The following CSTPP1 variants were observed in gnomAD, a reference collection of about 807,000 sequenced individuals.
CSTPP1 encodes the protein centriolar satellite-associated tubulin polyglutamylase complex regulator 1.
At chr11:47,049,526 T>G in the CSTPP1 span, among the ~76,000 whole-genome samples, 2 of 151,660 alleles carry the variant, frequency 1.3e-5, no homozygotes, top group African/African-American at 2.4e-5. Flanking sequence ...TGGTCCCAGC[T>G]AATTGGGAGG....
chr11:47,097,177 C>T, the CSTPP1 span, among the ~76,000 whole-genome samples: 5 of 126,818 alleles, frequency 3.9e-5, no homozygotes, highest in African/African-American at 1.3e-4. Context: ...CCCGGCCAGC[C>T]GCCCCGTCTG....
At chr11:47,034,735 G>A in the CSTPP1 span, among the ~76,000 whole-genome samples, 1 of 152,084 alleles carries the variant, frequency 6.6e-6, no homozygotes. Flanking sequence ...CTGGGCTCAA[G>A]CAATCCTCCC....
chr11:46,945,693 ACCCTTCT>A, the CSTPP1 span, among the ~76,000 whole-genome samples: 1 of 151,888 alleles, frequency 6.6e-6, no homozygotes, highest in South Asian at 2.1e-4. Flanking sequence ...TCCTCCCCCT[ACCCTTCT>A]CCTTCCTTTT....
the CSTPP1 span, among the ~76,000 whole-genome samples, chr11:46,957,344 C>G: frequency 2.6e-4 from 39 of 152,192 alleles, 1 homozygote; most frequent in South Asian, 8.1e-3. Context: ...CATGTTCCTT[C>G]TTTTTATTAG....
the CSTPP1 span, chr11:47,137,549 T>A: frequency 6.3e-7 from 1 of 1,593,262 alleles, no homozygotes; most frequent in Non-Finnish European, 8.5e-7. Flanking sequence ...AGAACAGCTC[T>A]ACCAAGACCA....
chr11:46,987,768 A>G, the CSTPP1 span: 1 of 157,468 alleles, frequency 6.4e-6, no homozygotes, highest in Non-Finnish European at 1.4e-5. Context: ...AGCAAAGTGA[A>G]GAGACAACCC....
At chr11:47,053,935 C>T in the CSTPP1 span, among the ~76,000 whole-genome samples, 1 of 151,640 alleles carries the variant, frequency 6.6e-6, no homozygotes, top group South Asian at 2.1e-4. Flanking sequence ...CAGCGAGATC[C>T]TGCTTCAAAA....
At chr11:47,036,151 T>TAA in the CSTPP1 span, among the ~76,000 whole-genome samples, 1 of 43,518 alleles carries the variant, frequency 2.3e-5, no homozygotes, top group African/African-American at 7.5e-5. Flanking sequence ...ATATAATATA[T>TAA]TATATATAAT....
the CSTPP1 span, among the ~76,000 whole-genome samples, chr11:47,106,957 G>A: frequency 6.6e-6 from 1 of 152,116 alleles, no homozygotes; most frequent in African/African-American, 2.4e-5. Flanking sequence ...CCTTCTTATG[G>A]CCAAACAAGG....
At chr11:47,081,806 A>G in the CSTPP1 span, among the ~76,000 whole-genome samples, 86 of 152,266 alleles carry the variant, frequency 5.6e-4, no homozygotes, top group African/African-American at 1.7e-3. Context: ...AAATTTCAAT[A>G]TAGGCCAGCT....
At chr11:47,062,397 G>T in the CSTPP1 span, among the ~76,000 whole-genome samples, 1 of 152,092 alleles carries the variant, frequency 6.6e-6, no homozygotes, top group Non-Finnish European at 1.5e-5. Context: ...CAGAGGATAG[G>T]TTAGTTTTTA....
the CSTPP1 span, among the ~76,000 whole-genome samples, chr11:47,051,357 C>G: frequency 7.2e-5 from 11 of 152,160 alleles, no homozygotes. Flanking sequence ...GGCTCTACAG[C>G]CTTTATTTCT....
At chr11:46,969,105 A>G in the CSTPP1 span, among the ~76,000 whole-genome samples, 1 of 152,166 alleles carries the variant, frequency 6.6e-6, no homozygotes, top group African/African-American at 2.4e-5. Context: ...ATTTTTTTTA[A>G]AAAGATGAAT....
chr11:46,948,849 G>A, the CSTPP1 span, among the ~76,000 whole-genome samples: 3 of 152,162 alleles, frequency 2.0e-5, no homozygotes, highest in African/African-American at 7.2e-5. Flanking sequence ...TTTGGAATGC[G>A]ATGCATTGAA....
chr11:47,121,783 T>C, the CSTPP1 span, among the ~76,000 whole-genome samples: 2 of 151,948 alleles, frequency 1.3e-5, no homozygotes, highest in African/African-American at 4.8e-5. Context: ...TCAATAAATA[T>C]GGTTAAAGAT....
the CSTPP1 span, among the ~76,000 whole-genome samples, chr11:47,034,923 C>T: frequency 6.6e-6 from 1 of 152,162 alleles, no homozygotes; most frequent in East Asian, 1.9e-4. Flanking sequence ...TCAAACCATC[C>T]TTTACTGGCA....
the CSTPP1 span, among the ~76,000 whole-genome samples, chr11:46,969,338 G>A: frequency 1.3e-5 from 2 of 152,204 alleles, no homozygotes; most frequent in East Asian, 1.9e-4. Flanking sequence ...AAAATAAAAA[G>A]ATGCAGTTTT....
At chr11:47,121,371 T>A in the CSTPP1 span, among the ~76,000 whole-genome samples, 1 of 152,198 alleles carries the variant, frequency 6.6e-6, no homozygotes, top group Non-Finnish European at 1.5e-5. Context: ...TGAAATCTTC[T>A]TGCCTACTTG....
the CSTPP1 span, among the ~76,000 whole-genome samples, chr11:47,005,350 C>T: frequency 5.3e-5 from 8 of 152,124 alleles, no homozygotes; most frequent in South Asian, 2.1e-4. Flanking sequence ...CAAATGTGCT[C>T]TATATTAATA....
Sources: gnomAD v4.1 joint callset for allele counts (sites outside exome capture counted in the v4.1 genomes callset) on GRCh38, gnomAD v4.1.1 for gene constraint, MANE v1.5 for transcripts, NCBI Gene and HGNC (gene_info 2026-07-23, HGNC 2026-07-21) for gene names.